Variants in AGBL4 observed in about 807,000 individuals in gnomAD.
The protein encoded by AGBL4 is cytosolic carboxypeptidase 6.
In AGBL4, 58 loss-of-function variants were observed where a neutral mutation model predicts 66.4. The ratio of observed to expected loss-of-function variants is 0.87; its 90% CI spans 0.71 to 1.09. The LOEUF is 1.09. Among genes scored for constraint, AGBL4 ranks in the 50% least tolerant of loss-of-function variants. The pLI is 0.00. For missense variants in AGBL4, 579 were observed against 631.0 expected, an observed-to-expected ratio of 0.92 and a Z score of 0.88; for synonymous variants, 234 against 222.9, an observed-to-expected ratio of 1.05 and a Z score of -0.44.
intron 4 of AGBL4, among the ~76,000 whole-genome samples, chr1:49,208,828 G>A (rs116018610): frequency 6.6e-6 from 1 of 152,196 alleles, no homozygotes; most frequent in African/African-American, 2.4e-5. Context: ...AAAATTATTC[G>A]TGATATGTCA....
Position 48,770,407 on chromosome 1 carries a change from G to A in AGBL4, c.634+96784C>T, listed in dbSNP as rs571429292. Among the ~76,000 whole-genome samples the A allele has an allele frequency of 2.0e-5, 3 of 152,216 alleles. No individual in the cohort carries two copies. The South Asian group carries it at 6.2e-4, about 32-fold the overall frequency. On this transcript the variant is annotated intron_variant, in intron 6 of 13. Transcript: ENST00000371839. ...CACCTATCTCTGCTGGTTATCCCCT[G>A]ATTCTAAGTCCATCTGTTAGACTAG...
chr1:48,818,944 G>A (rs1286735357), intron 6 of AGBL4, among the ~76,000 whole-genome samples: 1 of 152,094 alleles, frequency 6.6e-6, no homozygotes, highest in East Asian at 1.9e-4. Flanking sequence ...CCTGGAGTGA[G>A]GAAGCTAGCC....
At chr1:49,788,554 A>G (rs1342369142) in intron 2 of AGBL4, among the ~76,000 whole-genome samples, 1 of 152,112 alleles carries the variant, frequency 6.6e-6, no homozygotes, top group African/African-American at 2.4e-5. Context: ...GAACAAATAG[A>G]GAATCTTATA....
chr1:49,250,500 G>A lies in AGBL4; in HGVS notation c.283-4636C>T, dbSNP rs186448490. The stretch of plus-strand genomic sequence containing the variant: ...CATTCTGTCGCCAGGCTGGAGAGCA[G>A]TGGCTTGATCTCAGCTCATTGCAAC... On this transcript the variant is annotated intron_variant, in intron 3 of 13. Transcript: ENST00000371839. Among the ~76,000 whole-genome samples, 3 of 147,022 alleles carry A rather than the reference G, an allele frequency of 2.0e-5. No homozygotes were observed. The East Asian group carries it at 6.1e-4, about 30-fold the overall frequency.
chr1:49,606,117 C>A (rs749856853), intron 3 of AGBL4, among the ~76,000 whole-genome samples: 4 of 152,114 alleles, frequency 2.6e-5, no homozygotes, highest in Non-Finnish European at 5.9e-5. Flanking sequence ...AATTCCAGAT[C>A]TAAGAAAAGT....
At chr1:48,714,216 A>G (rs1570329186) in intron 6 of AGBL4, among the ~76,000 whole-genome samples, 2 of 152,260 alleles carry the variant, frequency 1.3e-5, no homozygotes, top group African/African-American at 4.8e-5. Context: ...GCCCCAAAAC[A>G]TGAGAACTAC....
intron 2 of AGBL4, among the ~76,000 whole-genome samples, chr1:49,832,244 G>A (rs1645709455): frequency 1.3e-5 from 2 of 151,408 alleles, no homozygotes; most frequent in South Asian, 4.2e-4. Flanking sequence ...AGAATATGTG[G>A]TGTTTGGTTT....
At chr1:48,793,738 C>T (rs1367224856) in intron 6 of AGBL4, among the ~76,000 whole-genome samples, 2 of 151,940 alleles carry the variant, frequency 1.3e-5, no homozygotes, top group Non-Finnish European at 2.9e-5. Flanking sequence ...GAAGGGGTAT[C>T]TGAATTAAAT....
At chr1:49,629,554 C>T (rs1443302726) in intron 3 of AGBL4, among the ~76,000 whole-genome samples, 1 of 152,150 alleles carries the variant, frequency 6.6e-6, no homozygotes, top group African/African-American at 2.4e-5. Context: ...AGCAGACACA[C>T]TGTGAGCCAG....
chr1:49,031,889 G>A (rs183330895), intron 5 of AGBL4, among the ~76,000 whole-genome samples: 68 of 152,240 alleles, frequency 4.5e-4, no homozygotes, highest in African/African-American at 1.5e-3. Flanking sequence ...AGAGTGATAA[G>A]TCTGTTAAAA....
chr1:48,771,371 A>G (rs1478324425), intron 6 of AGBL4, among the ~76,000 whole-genome samples: 1 of 152,222 alleles, frequency 6.6e-6, no homozygotes. Flanking sequence ...TGTGCTCTTG[A>G]ACAGCAAAAC....
At chr1:48,742,335 A>G (rs1650038430) in intron 6 of AGBL4, among the ~76,000 whole-genome samples, 1 of 152,210 alleles carries the variant, frequency 6.6e-6, no homozygotes, top group African/African-American at 2.4e-5. Flanking sequence ...ATTAAGAAAT[A>G]TCTTTGTCAC....
chr1:48,830,108 A>G (rs1646516194), intron 6 of AGBL4, among the ~76,000 whole-genome samples: 1 of 152,198 alleles, frequency 6.6e-6, no homozygotes, highest in Non-Finnish European at 1.5e-5. Flanking sequence ...GTGCCTGGGA[A>G]TGAAGTTGGG....
At chr1:49,804,670 T>C (rs1644937344) in intron 2 of AGBL4, among the ~76,000 whole-genome samples, 1 of 152,218 alleles carries the variant, frequency 6.6e-6, no homozygotes, top group Non-Finnish European at 1.5e-5. Flanking sequence ...TGTTCATTAA[T>C]TGTAGGACTA....
intron 3 of AGBL4, among the ~76,000 whole-genome samples, chr1:49,537,433 C>T (rs1439935555): frequency 9.2e-5 from 14 of 152,138 alleles, no homozygotes; most frequent in Admixed American, 9.2e-4. Context: ...GGAACTCAAA[C>T]AACTCAATAA....
At chr1:48,630,197 A>C (rs975305307) in intron 9 of AGBL4, among the ~76,000 whole-genome samples, 2 of 152,230 alleles carry the variant, frequency 1.3e-5, no homozygotes, top group Non-Finnish European at 2.9e-5. Flanking sequence ...TCATCATTTA[A>C]TACCCAATGT....
intron 3 of AGBL4, among the ~76,000 whole-genome samples, chr1:49,368,838 A>T (rs1462410097): frequency 6.6e-6 from 1 of 151,952 alleles, no homozygotes; most frequent in Non-Finnish European, 1.5e-5. Flanking sequence ...ACTTTAGGAG[A>T]CTGAGGCAGG....
chr1:48,780,975 T>G (rs1172448748), intron 6 of AGBL4, among the ~76,000 whole-genome samples: 6 of 152,190 alleles, frequency 3.9e-5, no homozygotes, highest in Non-Finnish European at 7.3e-5. Flanking sequence ...TTCCCCTTTT[T>G]AAGGGTTGAT....
chr1:49,701,618 A>G (rs932115934), intron 2 of AGBL4, among the ~76,000 whole-genome samples: 1 of 152,214 alleles, frequency 6.6e-6, no homozygotes, highest in Admixed American at 6.5e-5. Context: ...AAAGCAGAAT[A>G]AAGATAATAA....
Sources: allele counts gnomAD v4.1 joint callset (sites outside exome capture counted in the v4.1 genomes callset), GRCh38; gene constraint gnomAD v4.1.1; transcripts MANE v1.5; gene names NCBI Gene and HGNC (gene_info 2026-07-23, HGNC 2026-07-21).